Variants in CHRM3 observed in about 807,000 individuals in gnomAD.
CHRM3 encodes the protein cholinergic receptor muscarinic 3, also known as muscarinic acetylcholine receptor M3.
Under a neutral mutation model 41.8 loss-of-function variants are expected in CHRM3, and 11 were observed. The observed-to-expected ratio is 0.26, with a 90% CI of 0.17 to 0.44. The LOEUF is 0.44. Ranked by LOEUF, CHRM3 falls within the 20% of genes least tolerant of loss-of-function variation. The pLI is 1.00. For missense variants in CHRM3, 571 were observed against 745.4 expected (o/e 0.77, Z 2.72); for synonymous variants, 297 against 301.4 (o/e 0.99, Z 0.15).
chr1:239,511,741 T>A (rs1384063054), intron 2 of CHRM3, among the ~76,000 whole-genome samples: 2 of 152,208 alleles, frequency 1.3e-5, no homozygotes, highest in Non-Finnish European at 2.9e-5. Context: ...AATACTTATT[T>A]TCAGATTTAC....
chr1:239,807,752 T>C (rs1000903755), intron 5 of CHRM3, among the ~76,000 whole-genome samples: 1 of 152,104 alleles, frequency 6.6e-6, no homozygotes, highest in Non-Finnish European at 1.5e-5. Flanking sequence ...CCTTTTAGTA[T>C]ATAGAAGAGA....
chr1:239,568,043 C>T (rs897645673), intron 3 of CHRM3, among the ~76,000 whole-genome samples: 2 of 152,148 alleles, frequency 1.3e-5, no homozygotes, highest in East Asian at 3.9e-4. Context: ...CTGTTTCCAC[C>T]TCACAGCAAC....
chr1:239,485,356 G>A (rs1157425231), intron 1 of CHRM3, among the ~76,000 whole-genome samples: 3 of 152,104 alleles, frequency 2.0e-5, no homozygotes, highest in Admixed American at 1.3e-4. Flanking sequence ...GGAGTACAGT[G>A]GTGCAATCAT....
intron 1 of CHRM3, among the ~76,000 whole-genome samples, chr1:239,398,531 C>G (rs983055969): frequency 6.6e-6 from 1 of 152,142 alleles, no homozygotes; most frequent in African/African-American, 2.4e-5. Context: ...AGCCACCACG[C>G]CTGGCCAATA....
chr1:239,892,336 A>G (rs535201656), intron 6 of CHRM3, among the ~76,000 whole-genome samples: 19 of 152,260 alleles, frequency 1.2e-4, no homozygotes, highest in African/African-American at 4.6e-4. Context: ...TACTTGTTTC[A>G]TTTTCACAGA....
intron 5 of CHRM3, among the ~76,000 whole-genome samples, chr1:239,679,058 T>TAG (rs766275718): frequency 2.0e-5 from 3 of 150,870 alleles, no homozygotes; most frequent in African/African-American, 4.9e-5. Flanking sequence ...GATAGATAGA[T>TAG]ATAGACATAG....
Position 239,909,038 on chromosome 1 carries a change from C to A in CHRM3, c.1587C>A (p.Gly529=). 4.3e-6 allele frequency: 7 copies of A among 1,614,142 alleles called. No individual in the cohort carries two copies. The highest frequency in any genetic ancestry group is 5.1e-6 in the Non-Finnish European group (6 of 1,180,032). The change falls in exon 7 of 7, where the codon GGC becomes GGA. Residue 529 remains glycine, a synonymous_variant. Coordinates refer to ENST00000676153, the MANE Select transcript of CHRM3 (RefSeq NM_001375978.1). The stretch of plus-strand genomic sequence containing the variant: ...TACCCAAAACCTTTTGGAATCTGGG[C>A]TACTGGCTGTGCTACATCAACAGCA... ...SCIPKTFWNL[G]YWLCYINSTV...
chr1:239,893,338 C>T (rs539158948), intron 6 of CHRM3, among the ~76,000 whole-genome samples: 25 of 152,276 alleles, frequency 1.6e-4, no homozygotes, highest in African/African-American at 6.0e-4. Context: ...GGCAAGAGGA[C>T]TGAGTTTCTG....
intron 6 of CHRM3, among the ~76,000 whole-genome samples, chr1:239,882,991 T>C (rs908914484): frequency 7.9e-5 from 12 of 152,228 alleles, no homozygotes; most frequent in Non-Finnish European, 1.8e-4. Context: ...AGGATCCTCT[T>C]GCTCCAGTAG....
intron 2 of CHRM3, among the ~76,000 whole-genome samples, chr1:239,512,565 GT>G (rs1171812557): frequency 6.6e-6 from 1 of 152,070 alleles, no homozygotes; most frequent in Non-Finnish European, 1.5e-5. Context: ...CTTATAGTCA[GT>G]TTGCTTTTTT....
At chr1:239,879,014 G>T (rs1677366639) in intron 6 of CHRM3, among the ~76,000 whole-genome samples, 1 of 152,144 alleles carries the variant, frequency 6.6e-6, no homozygotes, top group Non-Finnish European at 1.5e-5. Flanking sequence ...TACGTCAGGG[G>T]TTTTCAAATT....
At chr1:239,423,491 A>T (rs1049965324) in intron 1 of CHRM3, among the ~76,000 whole-genome samples, 1 of 152,166 alleles carries the variant, frequency 6.6e-6, no homozygotes, top group Non-Finnish European at 1.5e-5. Context: ...GAAAATATAC[A>T]ATATCAGACT....
intron 1 of CHRM3, among the ~76,000 whole-genome samples, chr1:239,403,510 A>C (rs887017476): frequency 6.6e-6 from 1 of 152,164 alleles, no homozygotes; most frequent in Admixed American, 6.5e-5. Flanking sequence ...TGAGATTCAG[A>C]ACTTCCCTTG....
chr1:239,546,017 T>A (rs900915252), intron 3 of CHRM3: 2 of 152,210 alleles, frequency 1.3e-5, no homozygotes, highest in Non-Finnish European at 2.9e-5. Flanking sequence ...CCCTCTTTTT[T>A]AACTGAATTA....
At chr1:239,700,981 T>C (rs1314971205) in intron 5 of CHRM3, among the ~76,000 whole-genome samples, 5 of 152,300 alleles carry the variant, frequency 3.3e-5, no homozygotes, top group Admixed American at 3.3e-4. Flanking sequence ...ATCTCCCTTA[T>C]CCTAACTATA....
chr1:239,644,911 C>G (rs1368752782), intron 4 of CHRM3, among the ~76,000 whole-genome samples: 1 of 152,158 alleles, frequency 6.6e-6, no homozygotes, highest in Non-Finnish European at 1.5e-5. Flanking sequence ...ATAAGTGGGC[C>G]TACTTGAGAC....
intron 4 of CHRM3, among the ~76,000 whole-genome samples, chr1:239,650,365 A>G (rs1305604317): frequency 2.6e-5 from 4 of 152,218 alleles, no homozygotes; most frequent in Non-Finnish European, 4.4e-5. Context: ...TCTCTGCAAA[A>G]TGGAGACAGT....
chr1:239,549,154 C>T (rs1659567287), intron 3 of CHRM3, among the ~76,000 whole-genome samples: 1 of 152,040 alleles, frequency 6.6e-6, no homozygotes, highest in Non-Finnish European at 1.5e-5. Context: ...GAAAAACCTG[C>T]CCCAATGATT....
At chr1:239,487,982 C>T (rs1667295858) in intron 1 of CHRM3, among the ~76,000 whole-genome samples, 1 of 151,914 alleles carries the variant, frequency 6.6e-6, no homozygotes, top group African/African-American at 2.4e-5. Context: ...AGTCAGTAAT[C>T]ATGTAAAACT....
Sources: gnomAD v4.1 joint callset for allele counts (sites outside exome capture counted in the v4.1 genomes callset) on GRCh38, gnomAD v4.1.1 for gene constraint, MANE v1.5 for transcripts, NCBI Gene and HGNC (gene_info 2026-07-23, HGNC 2026-07-21) for gene names.